The following PASK variants were observed in gnomAD, a reference collection of about 807,000 sequenced individuals.
PASK encodes the protein PAS domain containing serine/threonine kinase.
Under a neutral mutation model 121.0 loss-of-function variants are expected in PASK, and 110 were observed. That is an observed-to-expected ratio of 0.91 (90% CI 0.78 to 1.06). The LOEUF (loss-of-function observed/expected upper bound fraction) is 1.06, where lower values mean the gene tolerates loss of function less well. Among genes scored for constraint, PASK ranks in the 50% least tolerant of loss-of-function variants. The probability of loss-of-function intolerance (pLI) is 0.00; values close to 1 mark genes in which losing one functional copy is unlikely to be tolerated. For synonymous variants in PASK, 686 were observed against 717.8 expected (o/e 0.96, Z 0.71); for missense variants, 1,643 against 1,702.3 (o/e 0.97, Z 0.61).
At chr2:241,140,383 C>G (rs374158889) in intron 3 of PASK, 138 bp downstream of exon 3, 15 of 741,222 alleles carry the variant, frequency 2.0e-5, no homozygotes, top group African/African-American at 1.0e-4. Flanking sequence ...GTCTTGAACT[C>G]CTGGGCTCAA....
At chr2:241,146,087 C>T (rs1275651524) in intron 1 of PASK, among the ~76,000 whole-genome samples, 1 of 152,128 alleles carries the variant, frequency 6.6e-6, no homozygotes, top group African/African-American at 2.4e-5. Flanking sequence ...AAAAGATCAA[C>T]TATTTAAAAT....
intron 10 of PASK, among the ~76,000 whole-genome samples, chr2:241,125,942 CAG>C (rs1243585741): frequency 1.3e-5 from 2 of 152,152 alleles, no homozygotes; most frequent in Non-Finnish European, 2.9e-5. Flanking sequence ...TGGCCTGAGT[CAG>C]GGGGCACAGC....
intron 4 of PASK, among the ~76,000 whole-genome samples, chr2:241,139,101 T>G (rs1036674162): frequency 6.6e-6 from 1 of 152,236 alleles, no homozygotes; most frequent in African/African-American, 2.4e-5. Flanking sequence ...GTGAATATCT[T>G]AGTTTTTTTC....
chr2:241,138,798 T>C lies in PASK; in HGVS notation c.601-4A>G. The C allele has an allele frequency of 1.2e-6, 2 of 1,613,934 alleles. No homozygotes were observed. Among genetic ancestry groups the C allele is most frequent in the Non-Finnish European group, 8.5e-7 (1 of 1,180,028 alleles). On this transcript the variant is annotated splice_polypyrimidine_tract_variant and splice_region_variant and intron_variant, in intron 4 of 17. Coordinates refer to ENST00000234040, the MANE Select transcript of PASK (RefSeq NM_015148.4). ...CACTACGGCTGATGATGTCCACCTG[T>C]GGAAACAGACAGGTTCACACCTGCA...
chr2:241,146,022 A>G (rs1191092890), intron 1 of PASK, among the ~76,000 whole-genome samples: 4 of 152,196 alleles, frequency 2.6e-5, no homozygotes, highest in Admixed American at 2.6e-4. Context: ...ACAATTTGGG[A>G]GAAGATATTT....
chr2:241,116,664 C>G (rs957389362), intron 12 of PASK, among the ~76,000 whole-genome samples: 9 of 152,266 alleles, frequency 5.9e-5, no homozygotes, highest in African/African-American at 2.2e-4. Context: ...AGTGCTACCA[C>G]AGTCAATGAT....
chr2:241,124,077 A>C lies in PASK; in HGVS notation c.2776T>G (p.Cys926Gly), dbSNP rs1269082382. 1 of 1,613,840 alleles carries C rather than the reference A, an allele frequency of 6.2e-7. No individual in the cohort carries two copies. Among genetic ancestry groups the C allele is most frequent in the Admixed American group, 1.7e-5 (1 of 60,022 alleles). The change falls in exon 11 of 18, where the codon TGC becomes GGC. Residue 926 changes from cysteine to glycine, a missense_variant. By Grantham distance (159) the Cys-to-Gly change is radical. This residue lies in a region of PASK where 453 missense variants were observed against 511.2 expected (regional missense o/e 0.89). Coordinates refer to ENST00000234040, the MANE Select transcript of PASK (RefSeq NM_015148.4). ...ELQGPTPLFC[C>G]WLVKDLLHSQ... Reference sequence around the variant, plus strand: ...TGGAGGAGGTCTTTCACCAGCCAGCAGCAGAACAGAGGTGTGGGGCCCTGG... The same window carrying C: ...TGGAGGAGGTCTTTCACCAGCCAGCCGCAGAACAGAGGTGTGGGGCCCTGG...
chr2:241,123,910 A>G, intron 11 of PASK, 39 bp downstream of exon 11: 1 of 1,554,398 alleles, frequency 6.4e-7, no homozygotes, highest in African/African-American at 1.4e-5. Flanking sequence ...CACACAGTAC[A>G]AGGCAAGTCC....
In PASK at chr2:241,110,804, A is replaced by G. The variant is rs77318469; in HGVS notation, c.3533+1436T>C. On this transcript the variant is annotated intron_variant, in intron 15 of 17. Coordinates refer to ENST00000234040, the MANE Select transcript of PASK (RefSeq NM_015148.4). ...GGGCAGGCAGAGCCCACCAGCGCCCACCAGGCTCTAGGGCAACCAAACTAG... is the reference window on the plus strand; with the variant it reads ...GGGCAGGCAGAGCCCACCAGCGCCCGCCAGGCTCTAGGGCAACCAAACTAG... Among the ~76,000 whole-genome samples the G allele has an allele frequency of 5.9e-3, 898 of 152,350 alleles. 8 individuals are homozygous for G. The highest frequency in any genetic ancestry group is 0.02 in the African/African-American group (840 of 41,582).
In PASK at chr2:241,138,089, T is replaced by G; in HGVS notation, c.742-2A>C. On this transcript the variant is annotated splice_acceptor_variant, in intron 5 of 17. Transcript: ENST00000234040. LOFTEE classifies it high-confidence loss of function. ...ACTGTCACATGACGTGACGGTGCCCTGGAGGAAAAGCCCCGTGCTTATCAT... is the reference window on the plus strand; with the variant it reads ...ACTGTCACATGACGTGACGGTGCCCGGGAGGAAAAGCCCCGTGCTTATCAT... 1 of 1,614,092 alleles carries G rather than the reference T, an allele frequency of 6.2e-7. No individual in the cohort carries two copies. The highest frequency in any genetic ancestry group is 8.5e-7 in the Non-Finnish European group (1 of 1,179,964).
chr2:241,115,692 G>A (rs1419306504), intron 12 of PASK, among the ~76,000 whole-genome samples: 12 of 142,806 alleles, frequency 8.4e-5, no homozygotes, highest in African/African-American at 2.2e-4. Flanking sequence ...GGGCCACCCA[G>A]TCCTCAAGCA....
chr2:241,122,518 T>A (rs929764077), intron 12 of PASK, among the ~76,000 whole-genome samples: 1 of 152,148 alleles, frequency 6.6e-6, no homozygotes, highest in Non-Finnish European at 1.5e-5. Flanking sequence ...GAGGTCTGAA[T>A]CTACAATTGG....
chr2:241,149,603 C>A, upstream of PASK: 1 of 1,507,676 alleles, frequency 6.6e-7, no homozygotes, highest in Non-Finnish European at 8.9e-7. Flanking sequence ...TTGCTAGGGA[C>A]GCACCAAACA....
rs186744845 is a variant in PASK at position 241,115,229 on chromosome 2, C to A, written c.3199-52G>T. 1,000 of 1,613,836 alleles carry A rather than the reference C, an allele frequency of 6.2e-4. 8 individuals are homozygous for A. In the African/African-American group the frequency reaches 0.011, roughly 18 times the overall value. ...CTCTACCAAAACATCTTCAAGTCAA[C>A]AAATTGAAGACATTTGACATGAGCC... On this transcript the variant is annotated intron_variant, in intron 13 of 17. Coordinates refer to ENST00000234040, the MANE Select transcript of PASK (RefSeq NM_015148.4).
intron 5 of PASK, among the ~76,000 whole-genome samples, chr2:241,138,399 A>G (rs895405200): frequency 3.9e-5 from 6 of 152,340 alleles, no homozygotes; most frequent in Admixed American, 1.3e-4. Flanking sequence ...TACATATATT[A>G]TCTCATTTAA....
At chr2:241,123,417 A>T (rs1208567977) in intron 11 of PASK, among the ~76,000 whole-genome samples, 1 of 151,826 alleles carries the variant, frequency 6.6e-6, no homozygotes, top group Non-Finnish European at 1.5e-5. Context: ...TGACCTCGTG[A>T]TCCACCCGCC....
Position 241,124,136 on chromosome 2 carries a change from G to A in PASK, c.2720-3C>T, listed in dbSNP as rs1192482485. 1.2e-6 allele frequency: 2 copies of A among 1,613,206 alleles called. No individual in the cohort carries two copies. Among genetic ancestry groups the A allele is most frequent in the Admixed American group, 1.7e-5 (1 of 59,986 alleles). ...CCGCCTCACCTCAAACTGTATACCTGAAGGGTGAGAAGGTAAGAACGCACA... is the reference window on the plus strand; with the variant it reads ...CCGCCTCACCTCAAACTGTATACCTAAAGGGTGAGAAGGTAAGAACGCACA... On this transcript the variant is annotated splice_polypyrimidine_tract_variant and splice_region_variant and intron_variant, in intron 10 of 17. Transcript: ENST00000234040.
intron 12 of PASK, among the ~76,000 whole-genome samples, chr2:241,116,697 A>G (rs2065385803): frequency 6.6e-6 from 1 of 152,246 alleles, no homozygotes; most frequent in Non-Finnish European, 1.5e-5. Flanking sequence ...ACAGAAAAAG[A>G]TACCATTCAC....
chr2:241,129,610 G>C (rs1308179963), intron 9 of PASK, among the ~76,000 whole-genome samples: 1 of 152,214 alleles, frequency 6.6e-6, no homozygotes, highest in African/African-American at 2.4e-5. Context: ...GGGCTTTTTG[G>C]ATTTCATAAT....
Sources: allele counts gnomAD v4.1 joint callset (sites outside exome capture counted in the v4.1 genomes callset), GRCh38; gene constraint gnomAD v4.1.1; regional missense constraint gnomAD v4.1.1; transcripts MANE v1.5; gene names NCBI Gene and HGNC (gene_info 2026-07-23, HGNC 2026-07-21).